The following DSCAM variants were observed in gnomAD, a reference collection of about 807,000 sequenced individuals.
The protein encoded by DSCAM is DS cell adhesion molecule.
DSCAM carries 47 observed loss-of-function variants against 217.7 expected under a neutral mutation model. The ratio of observed to expected loss-of-function variants is 0.22; its 90% CI spans 0.17 to 0.28. DSCAM has a LOEUF of 0.28. Ranked by LOEUF, DSCAM falls within the 10% of genes least tolerant of loss-of-function variation. DSCAM has a pLI of 1.00. For synonymous variants in DSCAM, 1,056 were observed against 1,015.3 expected, an observed-to-expected ratio of 1.04 and a Z score of -0.76; for missense variants, 2,080 against 2,618.3, an observed-to-expected ratio of 0.79 and a Z score of 4.49.
At chr21:40,187,105 G>A in intron 14 of DSCAM, 26 bp downstream of exon 14, 2 of 1,610,286 alleles carry the variant, frequency 1.2e-6, no homozygotes, top group Non-Finnish European at 1.7e-6. Flanking sequence ...AGGTGGAAGG[G>A]AAGCTGGAGG....
chr21:40,140,103 T>C (rs1050641640), intron 18 of DSCAM, among the ~76,000 whole-genome samples: 3 of 152,058 alleles, frequency 2.0e-5, no homozygotes, highest in African/African-American at 7.2e-5. Context: ...GGCTGCAGTC[T>C]GGGGAGTTTG....
At chr21:40,401,081 A>G (rs748936365) in intron 3 of DSCAM, among the ~76,000 whole-genome samples, 5 of 152,236 alleles carry the variant, frequency 3.3e-5, no homozygotes, top group Non-Finnish European at 7.3e-5. Context: ...TTGAAGTAAC[A>G]GGATCACCTT....
At chr21:40,840,155 T>TAA (rs10631714) in intron 1 of DSCAM, among the ~76,000 whole-genome samples, 68,110 of 151,932 alleles carry the variant, frequency 0.45, 16,923 homozygotes, top group African/African-American at 0.67. Context: ...TAACAATGAT[T>TAA]AAGATATCCT....
Position 40,708,791 on chromosome 21 carries a change from G to A in DSCAM, c.44-20C>T, listed in dbSNP as rs962850475. 6.8e-7 allele frequency: 1 copy of A among 1,463,176 alleles called. No individual in the cohort carries two copies. The highest frequency in any genetic ancestry group is 9.1e-7 in the Non-Finnish European group (1 of 1,097,984). The allele number at this position is 1,463,176 out of a possible 1,614,324, so 90.6% of individuals were successfully genotyped here. On this transcript the variant is annotated intron_variant, in intron 1 of 32. Coordinates refer to ENST00000400454, the MANE Select transcript of DSCAM (RefSeq NM_001389.5). ...TGAAAACTGCAAGAAGACAACACAG[G>A]GATCCATAGGTGAGTAAAACATGCC...
intron 3 of DSCAM, among the ~76,000 whole-genome samples, chr21:40,658,940 G>A (rs1328789081): frequency 2.0e-5 from 3 of 152,070 alleles, no homozygotes; most frequent in African/African-American, 2.4e-5. Context: ...AAGGCTGTGT[G>A]CACACCTCAT....
intron 30 of DSCAM, among the ~76,000 whole-genome samples, chr21:40,045,041 TAAG>T (rs1469747032): frequency 6.6e-6 from 1 of 152,206 alleles, no homozygotes; most frequent in Admixed American, 6.5e-5. Context: ...GGTGTCCTTT[TAAG>T]AAGAGGACAC....
rs1410622289 is a variant in DSCAM, at chr21:40,339,393, A to G, written c.1233T>C (p.Ser411=). 2 of 1,606,914 alleles carry G rather than the reference A, an allele frequency of 1.2e-6. No individual in the cohort carries two copies. The highest frequency in any genetic ancestry group is 1.3e-5 in the African/African-American group (1 of 74,968). Residue 411 remains serine, a synonymous_variant, in exon 7 of 33, where the codon TCT becomes TCC. Transcript: ENST00000400454. ...VLEDGTPKII[S]AFSEKVVSPA... ...GACTCACCACCTTTTCACTAAAGGC[A>G]GAAATAATTTTGGGAGTTCCATCTG...
chr21:40,829,458 G>A (rs1276291836), intron 1 of DSCAM, among the ~76,000 whole-genome samples: 5 of 152,202 alleles, frequency 3.3e-5, no homozygotes, highest in East Asian at 3.9e-4. Flanking sequence ...TGTGTGCAGC[G>A]AGAGCTCCTT....
intron 1 of DSCAM, among the ~76,000 whole-genome samples, chr21:40,762,765 T>C (rs1258929022): frequency 6.6e-6 from 1 of 152,106 alleles, no homozygotes; most frequent in Non-Finnish European, 1.5e-5. Context: ...TTATCCACCA[T>C]GATCAAGTCA....
chr21:40,165,255 T>C (rs2090581532), intron 16 of DSCAM, among the ~76,000 whole-genome samples: 1 of 152,260 alleles, frequency 6.6e-6, no homozygotes, highest in Non-Finnish European at 1.5e-5. Flanking sequence ...CATATTGTCC[T>C]TTACATATAC....
intron 3 of DSCAM, among the ~76,000 whole-genome samples, chr21:40,555,150 G>A (rs2076661089): frequency 6.6e-6 from 1 of 152,078 alleles, no homozygotes; most frequent in South Asian, 2.1e-4. Flanking sequence ...TCACTTTCCA[G>A]AAAGCCTGAT....
At chr21:40,491,978 T>C (rs2076079551) in intron 3 of DSCAM, among the ~76,000 whole-genome samples, 1 of 152,226 alleles carries the variant, frequency 6.6e-6, no homozygotes, top group African/African-American at 2.4e-5. Flanking sequence ...TTATTAGGTT[T>C]GATGTAGTAC....
intron 20 of DSCAM, among the ~76,000 whole-genome samples, chr21:40,105,906 T>C (rs928802210): frequency 3.9e-5 from 6 of 152,246 alleles, no homozygotes; most frequent in African/African-American, 1.4e-4. Flanking sequence ...ATGAATCACA[T>C]TTATTGATTG....
At chr21:40,112,569 A>C (rs1601342135) in intron 20 of DSCAM, among the ~76,000 whole-genome samples, 1 of 152,214 alleles carries the variant, frequency 6.6e-6, no homozygotes, top group East Asian at 1.9e-4. Flanking sequence ...CTAAGATCAG[A>C]GCAGAACTGA....
intron 3 of DSCAM, among the ~76,000 whole-genome samples, chr21:40,556,803 C>G (rs1390566745): frequency 6.6e-6 from 1 of 152,162 alleles, no homozygotes; most frequent in Non-Finnish European, 1.5e-5. Context: ...CTAGGCCCCA[C>G]CTCCAACATC....
intron 10 of DSCAM, among the ~76,000 whole-genome samples, chr21:40,281,036 G>A (rs931141553): frequency 2.6e-5 from 4 of 152,126 alleles, no homozygotes; most frequent in Non-Finnish European, 5.9e-5. Flanking sequence ...CCAACCCCTT[G>A]GCTGCAATGT....
rs765038367 is a variant in DSCAM at position 40,312,262 on chromosome 21, C to T, written c.1881G>A (p.Thr627=). Residue 627 remains threonine (T), a synonymous_variant, in exon 9 of 33, where the codon ACG becomes ACA. Transcript: ENST00000400454. The stretch of plus-strand genomic sequence containing the variant: ...GCCGGCCATCCTTCTGCCAGGTGAT[C>T]GTGATGGGTAAGTCCCCTGAGACCA... ...CVVVSGDLPI[T]ITWQKDGRPI... is the part of the protein sequence containing the mutation. 4.3e-6 allele frequency: 7 copies of T among 1,613,954 alleles called. No individual in the cohort carries two copies. The highest frequency in any genetic ancestry group is 1.7e-5 in the Admixed American group (1 of 59,994).
intron 3 of DSCAM, among the ~76,000 whole-genome samples, chr21:40,680,937 C>T (rs1002245708): frequency 3.9e-5 from 6 of 152,194 alleles, no homozygotes; most frequent in African/African-American, 1.4e-4. Context: ...TTACTTCCCC[C>T]ATACATGAGC....
chr21:40,741,241 TA>T (rs148683264), intron 1 of DSCAM, among the ~76,000 whole-genome samples: 2,942 of 152,264 alleles, frequency 0.019, 39 homozygotes, highest in Non-Finnish European at 0.029. Context: ...GTTTTTCAGC[TA>T]AAAAACTGAC....
Sources: allele counts gnomAD v4.1 joint callset (sites outside exome capture counted in the v4.1 genomes callset), GRCh38; gene constraint gnomAD v4.1.1; transcripts MANE v1.5; gene names NCBI Gene and HGNC (gene_info 2026-07-23, HGNC 2026-07-21).